Variants in RERE observed in about 807,000 individuals in gnomAD.
The protein encoded by RERE is arginine-glutamic acid dipeptide repeats protein.
RERE carries 40 observed loss-of-function variants against 146.1 expected under a neutral mutation model. The ratio of observed to expected loss-of-function variants is 0.27; its 90% CI spans 0.21 to 0.36. RERE has a LOEUF of 0.36. Ranked by LOEUF, RERE falls within the 10% of genes least tolerant of loss-of-function variation. The pLI, the probability that RERE is intolerant of heterozygous loss-of-function variation, is 1.00. For missense variants in RERE, 1,933 were observed against 2,138.7 expected, an observed-to-expected ratio of 0.90 and a Z score of 1.90; for synonymous variants, 1,003 against 866.0, an observed-to-expected ratio of 1.16 and a Z score of -2.78.
At chr1:8,774,515 G>A (rs543910968) in intron 1 of RERE, among the ~76,000 whole-genome samples, 5 of 151,768 alleles carry the variant, frequency 3.3e-5, no homozygotes, top group South Asian at 4.2e-4. Flanking sequence ...CACCACGCCC[G>A]GCTAATTTTG....
chr1:8,721,607 CCTGGCAAGAGATTCTTAAAACCTCTT>C (rs1301119410), intron 1 of RERE, among the ~76,000 whole-genome samples: 1 of 152,160 alleles, frequency 6.6e-6, no homozygotes, highest in Non-Finnish European at 1.5e-5. Flanking sequence ...AGCCACCGTG[CCTGGCAAGAGATTCTTAAAACCTCTT>C]CTGGTGAGAA....
intron 3 of RERE, among the ~76,000 whole-genome samples, chr1:8,618,365 A>G (rs1417258710): frequency 6.6e-6 from 1 of 152,218 alleles, no homozygotes; most frequent in Non-Finnish European, 1.5e-5. Context: ...ATGGCAACTG[A>G]TGGATGGAGT....
chr1:8,794,357 C>CAAAA (rs34549021), intron 1 of RERE, among the ~76,000 whole-genome samples: 22 of 40,520 alleles, frequency 5.4e-4, no homozygotes, highest in South Asian at 1.2e-3. Context: ...GACTCCGTCT[C>CAAAA]AAAAAAAAAA....
intron 1 of RERE, chr1:8,703,059 G>A (rs539601589): frequency 2.0e-5 from 3 of 152,142 alleles, no homozygotes; most frequent in East Asian, 1.9e-4. Flanking sequence ...ACTTGCCTGC[G>A]GCCCGCTGGC....
intron 1 of RERE, among the ~76,000 whole-genome samples, chr1:8,701,992 A>G (rs1639461812): frequency 6.6e-6 from 1 of 152,092 alleles, no homozygotes; most frequent in African/African-American, 2.4e-5. Flanking sequence ...CCACAGATCA[A>G]CGTGCTTACA....
At chr1:8,419,452 G>T (rs1005005265) in intron 12 of RERE, among the ~76,000 whole-genome samples, 18 of 152,194 alleles carry the variant, frequency 1.2e-4, no homozygotes, top group African/African-American at 3.9e-4. Flanking sequence ...TGGTAAGAAT[G>T]AGGTCTCAAC....
rs1190739595 is a variant in RERE at position 8,353,520 on chromosome 1, CG to C, written c.*1566del. ...CCTCCAGTGTCTGAGAGAAAAGGAT[CG>C]GAAGAGGCCACGTCCTGGCAGGAAG... On this transcript the variant is annotated 3_prime_UTR_variant, in exon 23 of 23. Transcript: ENST00000400908. 6.6e-6 allele frequency: 1 copy of C among 152,268 alleles called. No homozygotes were observed. The highest frequency in any genetic ancestry group is 6.5e-5 in the Admixed American group (1 of 15,294). The allele number at this position is 152,268 out of a possible 1,614,324, so 9.4% of individuals were successfully genotyped here. A position where few individuals can be genotyped will look rare whatever the true frequency, so the allele number is the denominator to read the frequency against.
intron 1 of RERE, among the ~76,000 whole-genome samples, chr1:8,754,464 G>C (rs1267062777): frequency 6.6e-6 from 1 of 152,208 alleles, no homozygotes; most frequent in African/African-American, 2.4e-5. Flanking sequence ...AAATTTTCAA[G>C]ATATTTGTTC....
At chr1:8,516,000 C>T (rs1009553117) in intron 7 of RERE, among the ~76,000 whole-genome samples, 16 of 151,606 alleles carry the variant, frequency 1.1e-4, no homozygotes, top group African/African-American at 2.7e-4. Context: ...GCAGGTTACC[C>T]GAGGTCAGGA....
At chr1:8,816,339 T>C (rs912509056) in intron 1 of RERE, among the ~76,000 whole-genome samples, 2 of 152,192 alleles carry the variant, frequency 1.3e-5, no homozygotes, top group South Asian at 4.1e-4. Flanking sequence ...ACTGAAACAT[T>C]TAAAGCACCC....
chr1:8,681,833 A>G (rs1364358040), intron 1 of RERE, among the ~76,000 whole-genome samples: 2 of 152,238 alleles, frequency 1.3e-5, no homozygotes, highest in Non-Finnish European at 2.9e-5. Flanking sequence ...TAGCCATTAA[A>G]TAAGTAGGAC....
chr1:8,421,373 T>C (rs1296985596), intron 12 of RERE, among the ~76,000 whole-genome samples: 1 of 152,220 alleles, frequency 6.6e-6, no homozygotes, highest in Non-Finnish European at 1.5e-5. Context: ...ATTAAATAAC[T>C]CTACCCTGTT....
At chr1:8,395,265 G>C (rs1192442240) in intron 12 of RERE, among the ~76,000 whole-genome samples, 2 of 152,086 alleles carry the variant, frequency 1.3e-5, no homozygotes, top group Non-Finnish European at 2.9e-5. Flanking sequence ...CACAAGGTCA[G>C]GAGTTCAAGA....
At position 8,794,159 on chromosome 1, in the gene RERE, A is replaced by G. The variant is rs1641420455; in HGVS notation, c.-145+23001T>C. On this transcript the variant is annotated intron_variant, in intron 1 of 22. Coordinates refer to ENST00000400908, the MANE Select transcript of RERE (RefSeq NM_001042681.2). ...ATGCCTGTAATCCCAGCACTTTGGG[A>G]GGCCGAGGTGGGCAGATCATGAGGT... Among the ~76,000 whole-genome samples, 2 of 151,226 alleles carry G rather than the reference A, an allele frequency of 1.3e-5. 1 individual carries two copies. Among genetic ancestry groups the G allele is most frequent in the South Asian group, 4.2e-4 (2 of 4,786 alleles).
chr1:8,551,955 A>G (rs1437428082), intron 6 of RERE, among the ~76,000 whole-genome samples: 1 of 152,206 alleles, frequency 6.6e-6, no homozygotes, highest in East Asian at 1.9e-4. Flanking sequence ...ACTTTACTCT[A>G]TGGTGGTTAT....
At chr1:8,554,557 C>T (rs1446393823) in intron 6 of RERE, among the ~76,000 whole-genome samples, 3 of 151,412 alleles carry the variant, frequency 2.0e-5, no homozygotes, top group African/African-American at 7.3e-5. Flanking sequence ...TGTGGTGGTG[C>T]ACACCTGTAG....
chr1:8,504,418 G>C (rs1645221973), intron 8 of RERE, among the ~76,000 whole-genome samples: 1 of 152,192 alleles, frequency 6.6e-6, no homozygotes, highest in African/African-American at 2.4e-5. Flanking sequence ...GATTAAAGTT[G>C]ATTATAGATT....
At chr1:8,517,281 C>G (rs907894863) in intron 7 of RERE, among the ~76,000 whole-genome samples, 5 of 152,128 alleles carry the variant, frequency 3.3e-5, no homozygotes, top group African/African-American at 1.2e-4. Context: ...AAAGGACAAA[C>G]AGATCAACCT....
intron 6 of RERE, among the ~76,000 whole-genome samples, chr1:8,543,475 ATTC>A (rs1465146954): frequency 1.3e-5 from 2 of 152,226 alleles, no homozygotes; most frequent in African/African-American, 2.4e-5. Context: ...AAGGAAATTG[ATTC>A]TTCTTTTATT....
Sources: allele counts gnomAD v4.1 joint callset (sites outside exome capture counted in the v4.1 genomes callset), GRCh38; gene constraint gnomAD v4.1.1; transcripts MANE v1.5; gene names NCBI Gene and HGNC (gene_info 2026-07-23, HGNC 2026-07-21).